Variants in MED13L observed in about 807,000 individuals in gnomAD.
MED13L encodes mediator of RNA polymerase II transcription subunit 13-like.
MED13L carries 7 observed loss-of-function variants against 220.9 expected under a neutral mutation model. The observed-to-expected ratio is 0.03, with a 90% CI of 0.02 to 0.06. MED13L has a LOEUF of 0.06. MED13L is among the 10% of genes least tolerant of loss of function. MED13L has a pLI of 1.00. For synonymous variants in MED13L, 1,011 were observed against 1,015.2 expected, an observed-to-expected ratio of 1.00 and a Z score of 0.08; for missense variants, 1,965 against 2,760.5, an observed-to-expected ratio of 0.71 and a Z score of 6.46.
chr12:116,262,373 T>C (rs1402306656), intron 1 of MED13L, among the ~76,000 whole-genome samples: 3 of 152,158 alleles, frequency 2.0e-5, no homozygotes, highest in South Asian at 2.1e-4. Context: ...TAAGATAGAT[T>C]ACAAGGAATC....
At chr12:116,266,236 G>A (rs562268567) in intron 1 of MED13L, among the ~76,000 whole-genome samples, 17 of 152,256 alleles carry the variant, frequency 1.1e-4, no homozygotes, top group South Asian at 4.1e-4. Context: ...TTTAGCAAAC[G>A]TAATAGCCAG....
chr12:116,055,896 A>G (rs78828359), intron 4 of MED13L, among the ~76,000 whole-genome samples: 1 of 142,678 alleles, frequency 7.0e-6, no homozygotes, highest in South Asian at 2.2e-4. Context: ...CCCCGTCTCC[A>G]AAAAAAAAAA....
At chr12:116,061,711 G>A (rs1869503418) in intron 4 of MED13L, among the ~76,000 whole-genome samples, 1 of 152,054 alleles carries the variant, frequency 6.6e-6, no homozygotes, top group South Asian at 2.1e-4. Flanking sequence ...AAACATATCA[G>A]AAAGGAAAAT....
intron 16 of MED13L, among the ~76,000 whole-genome samples, chr12:115,992,449 A>G (rs1235009474): frequency 1.3e-5 from 2 of 152,088 alleles, no homozygotes; most frequent in Non-Finnish European, 2.9e-5. Context: ...CTCTGAGGCT[A>G]TAATCTATAT....
intron 3 of MED13L, among the ~76,000 whole-genome samples, chr12:116,097,477 ATTTTTAT>A (rs1184602253): frequency 6.6e-6 from 1 of 151,986 alleles, no homozygotes; most frequent in Non-Finnish European, 1.5e-5. Flanking sequence ...GGCTTTTTAA[ATTTTTAT>A]TTTTTATTTT....
chr12:116,063,290 CCCT>C (rs1020052445), intron 4 of MED13L, among the ~76,000 whole-genome samples: 5 of 152,136 alleles, frequency 3.3e-5, no homozygotes, highest in Non-Finnish European at 4.4e-5. Context: ...TGCAGAGGAT[CCCT>C]TAAACTCAGG....
intron 2 of MED13L, among the ~76,000 whole-genome samples, chr12:116,207,532 A>G (rs544885710): frequency 1.3e-5 from 2 of 152,352 alleles, no homozygotes; most frequent in South Asian, 2.1e-4. Context: ...CTGTATTTCA[A>G]TAACAGACAA....
intron 2 of MED13L, among the ~76,000 whole-genome samples, chr12:116,176,345 G>C (rs1880057498): frequency 6.6e-6 from 1 of 152,106 alleles, no homozygotes; most frequent in Non-Finnish European, 1.5e-5. Context: ...CACATGTAAA[G>C]TACATATAAC....
Position 116,007,427 on chromosome 12 carries a change from G to T in MED13L, c.2222C>A (p.Ser741Tyr), listed in dbSNP as rs750559410. The change falls in exon 11 of 31, where the codon TCC (serine) becomes TAC (tyrosine). Residue 741 changes from serine to tyrosine, a missense_variant. Ser to Tyr is a moderately radical substitution (Grantham distance 144). Coordinates refer to ENST00000281928, the MANE Select transcript of MED13L (RefSeq NM_015335.5). ...AAATGGTACCTTATTCTTTTTCAGGGAATCTTTCTCCGTCCCTTGTTTGCA... is the reference window on the plus strand; with the variant it reads ...AAATGGTACCTTATTCTTTTTCAGGTAATCTTTCTCCGTCCCTTGTTTGCA... Reference protein sequence around the residue: ...KKCKQGTEKDSLKKNKSEDGF... With the variant: ...KKCKQGTEKDYLKKNKSEDGF... 1 of 1,612,782 alleles carries T rather than the reference G, an allele frequency of 6.2e-7. No homozygotes were observed. The highest frequency in any genetic ancestry group is 1.7e-4 in the Middle Eastern group (1 of 6,058).
chr12:116,031,622 G>T (rs1409577755), intron 4 of MED13L, among the ~76,000 whole-genome samples: 71 of 122,036 alleles, frequency 5.8e-4, no homozygotes, highest in Middle Eastern at 4.0e-3. Context: ...AGAGAAGGAG[G>T]GGAGGGGAGG....
chr12:116,221,942 T>A (rs1451995287), intron 2 of MED13L, among the ~76,000 whole-genome samples: 1 of 152,146 alleles, frequency 6.6e-6, no homozygotes, highest in Non-Finnish European at 1.5e-5. Context: ...AGACAGAAAG[T>A]GGTTATAAAA....
At chr12:116,096,558 T>G (rs1872658504) in intron 4 of MED13L, 111 bp downstream of exon 4, 2 of 745,610 alleles carry the variant, frequency 2.7e-6, no homozygotes, top group Non-Finnish European at 4.8e-6. Flanking sequence ...CAGGATCTAT[T>G]TGAGTATATC....
chr12:116,114,623 C>G (rs2137916433), intron 2 of MED13L, among the ~76,000 whole-genome samples: 1 of 152,214 alleles, frequency 6.6e-6, no homozygotes, highest in Admixed American at 6.5e-5. Context: ...CACATTATAC[C>G]TGAATTTCAT....
rs962135791 is a variant in MED13L at position 115,959,024 on chromosome 12, C to T, written c.*2242G>A. ...TTAAAAATAAAAAAAAATAAAATAACTTCTCACTCTGTAGCAAATCCAGGG... is the reference window on the plus strand; with the variant it reads ...TTAAAAATAAAAAAAAATAAAATAATTTCTCACTCTGTAGCAAATCCAGGG... On this transcript the variant is annotated 3_prime_UTR_variant, in exon 31 of 31. Coordinates refer to ENST00000281928, the MANE Select transcript of MED13L (RefSeq NM_015335.5). 1.3e-5 allele frequency: 2 copies of T among 152,284 alleles called. No individual in the cohort carries two copies. The highest frequency in any genetic ancestry group is 4.8e-5 in the African/African-American group (2 of 41,346). The allele number at this position is 152,284 out of a possible 1,614,324, so 9.4% of individuals were successfully genotyped here.
intron 2 of MED13L, among the ~76,000 whole-genome samples, chr12:116,212,311 C>G (rs1882746039): frequency 1.3e-5 from 2 of 152,086 alleles, no homozygotes; most frequent in Non-Finnish European, 1.5e-5. Context: ...AAGTTGTTAA[C>G]TATTAAAAAT....
At chr12:116,043,520 T>C (rs184989284) in intron 4 of MED13L, among the ~76,000 whole-genome samples, 1 of 152,300 alleles carries the variant, frequency 6.6e-6, no homozygotes, top group Non-Finnish European at 1.5e-5. Context: ...AAGAAATGCA[T>C]TATCAGAGAA....
At chr12:116,209,816 A>C (rs1223138708) in intron 2 of MED13L, among the ~76,000 whole-genome samples, 1 of 152,198 alleles carries the variant, frequency 6.6e-6, no homozygotes, top group Non-Finnish European at 1.5e-5. Context: ...AAAGCCCAGA[A>C]GACTTCCAAG....
intron 2 of MED13L, among the ~76,000 whole-genome samples, chr12:116,120,473 T>TCACA (rs1411878434): frequency 4.3e-3 from 437 of 101,268 alleles, no homozygotes; most frequent in South Asian, 9.4e-3. Context: ...TCTCTCTCTC[T>TCACA]CTCTCACACA....
intron 25 of MED13L, among the ~76,000 whole-genome samples, chr12:115,973,530 A>G (rs1385296873): frequency 6.6e-6 from 1 of 152,222 alleles, no homozygotes; most frequent in African/African-American, 2.4e-5. Context: ...CATACAAAGG[A>G]AGGAGATGGC....
Sources: allele counts gnomAD v4.1 joint callset (sites outside exome capture counted in the v4.1 genomes callset), GRCh38; gene constraint gnomAD v4.1.1; transcripts MANE v1.5; gene names NCBI Gene and HGNC (gene_info 2026-07-23, HGNC 2026-07-21).